COL4A1: variants seen among roughly 807,000 people sequenced by gnomAD.
The protein encoded by COL4A1 is collagen alpha-1(IV) chain.
Under a neutral mutation model 216.6 loss-of-function variants are expected in COL4A1, and 40 were observed. That is an observed-to-expected ratio of 0.18 (90% CI 0.14 to 0.24). COL4A1 has a LOEUF of 0.24. COL4A1 is among the 10% of genes least tolerant of loss of function. The pLI is 1.00. For missense variants in COL4A1, 1,628 were observed against 2,196.8 expected, an observed-to-expected ratio of 0.74 and a Z score of 5.18; for synonymous variants, 839 against 810.7, an observed-to-expected ratio of 1.03 and a Z score of -0.59.
intron 29 of COL4A1, among the ~76,000 whole-genome samples, chr13:110,180,393 G>T (rs1878092549): frequency 6.6e-6 from 1 of 152,204 alleles, no homozygotes; most frequent in South Asian, 2.1e-4. Context: ...CCAGAGGAGG[G>T]CACCCTGCTG....
chr13:110,255,557 G>A (rs1367688306), intron 1 of COL4A1, among the ~76,000 whole-genome samples: 2 of 87,718 alleles, frequency 2.3e-5, no homozygotes, highest in Non-Finnish European at 4.9e-5. Flanking sequence ...AAGGGAAGGG[G>A]GCAGGCAGGA....
intron 1 of COL4A1, among the ~76,000 whole-genome samples, chr13:110,277,583 T>C (rs1883476875): frequency 6.6e-6 from 1 of 152,160 alleles, no homozygotes; most frequent in Non-Finnish European, 1.5e-5. Flanking sequence ...GGAACTGCTG[T>C]TCGGGTGATG....
rs1421262889 is a variant in COL4A1 at position 110,152,503 on chromosome 13, T to C, written c.4759A>G (p.Thr1587Ala). 11 of 1,611,210 alleles carry C rather than the reference T, an allele frequency of 6.8e-6. No individual in the cohort carries two copies. The highest frequency in any genetic ancestry group is 9.3e-6 in the Non-Finnish European group (11 of 1,179,732). Residue 1587 changes from threonine (T) to alanine (A), a missense_variant, in exon 51 of 52, where the codon ACC (threonine) becomes GCC (alanine). By Grantham distance (58) the Thr-to-Ala change is moderately conservative. Transcript: ENST00000375820. ...LWIGYSFVMH[T>A]SAGAEGSGQA... Reference sequence around the variant, plus strand: ...CCAGAGCCTTCTGCACCAGCGCTGGTGTGCTGCAGAACAGATGCGAGCCGT... The same window carrying C: ...CCAGAGCCTTCTGCACCAGCGCTGGCGTGCTGCAGAACAGATGCGAGCCGT...
intron 1 of COL4A1, among the ~76,000 whole-genome samples, chr13:110,284,202 C>T (rs1207346464): frequency 6.6e-6 from 1 of 152,216 alleles, no homozygotes; most frequent in African/African-American, 2.4e-5. Context: ...AATTTCACCC[C>T]TCTCCTCCTG....
At chr13:110,197,611 T>C (rs1878964792) in intron 21 of COL4A1, among the ~76,000 whole-genome samples, 1 of 152,204 alleles carries the variant, frequency 6.6e-6, no homozygotes, top group African/African-American at 2.4e-5. Context: ...CCCAAATTCA[T>C]GTAGATCACA....
chr13:110,180,185 T>C (rs1382851890), intron 29 of COL4A1, among the ~76,000 whole-genome samples: 2 of 152,250 alleles, frequency 1.3e-5, no homozygotes, highest in Non-Finnish European at 2.9e-5. Flanking sequence ...AAAAGCATGG[T>C]ATTTTTAATC....
intron 2 of COL4A1, among the ~76,000 whole-genome samples, chr13:110,237,636 T>C (rs1881381268): frequency 6.6e-6 from 1 of 152,244 alleles, no homozygotes; most frequent in African/African-American, 2.4e-5. Flanking sequence ...TAAAACATAC[T>C]CGGCCCCAGG....
intron 2 of COL4A1, among the ~76,000 whole-genome samples, chr13:110,232,271 A>G (rs1881097222): frequency 6.6e-6 from 1 of 152,238 alleles, no homozygotes; most frequent in Non-Finnish European, 1.5e-5. Flanking sequence ...CCACGTCCCC[A>G]GAGCCATCTG....
chr13:110,271,957 C>T (rs1327038140), intron 1 of COL4A1, among the ~76,000 whole-genome samples: 5 of 152,114 alleles, frequency 3.3e-5, no homozygotes, highest in South Asian at 4.1e-4. Context: ...AATAGCTCAT[C>T]GTATTTGTGG....
chr13:110,157,749 AC>A (rs2138423516), intron 49 of COL4A1, among the ~76,000 whole-genome samples: 1 of 152,218 alleles, frequency 6.6e-6, no homozygotes, highest in East Asian at 1.9e-4. Flanking sequence ...AAGGTTTAGC[AC>A]CTCCCCGTTG....
chr13:110,243,409 T>C (rs7999378), intron 1 of COL4A1, among the ~76,000 whole-genome samples: 31,693 of 151,990 alleles, frequency 0.21, 3,955 homozygotes, highest in African/African-American at 0.34. Context: ...CCTCCACCTC[T>C]CCAGTTCAAG....
intron 1 of COL4A1, among the ~76,000 whole-genome samples, chr13:110,248,943 G>C (rs974784681): frequency 1.3e-5 from 2 of 152,052 alleles, no homozygotes; most frequent in Non-Finnish European, 2.9e-5. Flanking sequence ...GGACTTTCTA[G>C]CTTCTGTCCT....
In COL4A1 at chr13:110,177,698, G is replaced by A. The variant is rs1034255141; in HGVS notation, c.2716+144C>T. ...ACCAGGAATCCTACTGGAAGAAGGG[G>A]GTCTCCCAGCCTTCTGCTTGATGTT... On this transcript the variant is annotated intron_variant, in intron 33 of 51. Transcript: ENST00000375820. 6.2e-6 allele frequency: 5 copies of A among 809,572 alleles called. No homozygotes were observed. In the East Asian group the frequency reaches 7.9e-5, roughly 13 times the overall value. 50.1% of individuals were successfully genotyped at this position (809,572 alleles called of 1,614,324 possible).
intron 1 of COL4A1, among the ~76,000 whole-genome samples, chr13:110,281,210 C>G (rs1210251478): frequency 6.6e-6 from 1 of 152,194 alleles, no homozygotes; most frequent in Non-Finnish European, 1.5e-5. Flanking sequence ...AGGAGCAACA[C>G]TGTTCTGTGA....
In COL4A1 at chr13:110,163,502, G is replaced by A. The variant is rs1429807829; in HGVS notation, c.4210C>T (p.Pro1404Ser). The A allele has an allele frequency of 6.2e-7, 1 of 1,613,892 alleles. No individual in the cohort carries two copies. The highest frequency in any genetic ancestry group is 1.3e-5 in the African/African-American group (1 of 74,844). Residue 1404 changes from proline to serine, a missense_variant, in exon 47 of 52, where the codon CCT becomes TCT. Pro to Ser is a moderately conservative substitution (Grantham distance 74, BLOSUM62 -1). Around this residue, in one of 8 missense-constraint regions of COL4A1, gnomAD observed 345 missense variants for 476.9 expected, o/e 0.72. Coordinates refer to ENST00000375820, the MANE Select transcript of COL4A1 (RefSeq NM_001845.6). ...PPGIPGFDGA[P>S]GQKGEMGPAG... is the part of the protein sequence containing the mutation. ...GGTCCCATCTCTCCTTTCTGGCCAG[G>A]GGCACCGTCAAACCCAGGAATACCT...
intron 24 of COL4A1, chr13:110,191,403 C>T (rs189937024): frequency 1.1e-4 from 41 of 357,622 alleles, no homozygotes; most frequent in Non-Finnish European, 1.8e-4. Context: ...AGTCCATGCT[C>T]GCAAAGCTCA....
intron 1 of COL4A1, among the ~76,000 whole-genome samples, chr13:110,256,744 C>CA (rs1555312554): frequency 1.3e-5 from 2 of 151,812 alleles, no homozygotes; most frequent in Non-Finnish European, 2.9e-5. Context: ...AGACCGGCGG[C>CA]GGGGGGGTCT....
intron 48 of COL4A1, 21 bp downstream of exon 48, chr13:110,162,209 A>G (rs766074182): frequency 1.5e-5 from 24 of 1,607,232 alleles, no homozygotes; most frequent in Middle Eastern, 3.3e-4. Flanking sequence ...GAATGAATGC[A>G]TGGATCTGCA....
At chr13:110,291,426 G>A (rs1378324451) in intron 1 of COL4A1, among the ~76,000 whole-genome samples, 1 of 152,180 alleles carries the variant, frequency 6.6e-6, no homozygotes, top group Non-Finnish European at 1.5e-5. Context: ...TGTGCTAGGG[G>A]TGCACGGGAG....
Sources: gnomAD v4.1 joint callset for allele counts (sites outside exome capture counted in the v4.1 genomes callset) on GRCh38, gnomAD v4.1.1 for gene constraint, gnomAD v4.1.1 regional missense constraint, MANE v1.5 for transcripts, NCBI Gene and HGNC (gene_info 2026-07-23, HGNC 2026-07-21) for gene names.